The following MACROD2 variants were observed in gnomAD, a reference collection of about 807,000 sequenced individuals.
MACROD2 encodes the protein mono-ADP ribosylhydrolase 2, also known as ADP-ribose glycohydrolase MACROD2.
Under a neutral mutation model 70.4 loss-of-function variants are expected in MACROD2, and 36 were observed. The ratio of observed to expected loss-of-function variants is 0.51; its 90% CI spans 0.39 to 0.68. MACROD2 has a LOEUF of 0.68. Ranked by LOEUF, MACROD2 falls within the 30% of genes least tolerant of loss-of-function variation. MACROD2 has a pLI of 0.00. For synonymous variants in MACROD2, 172 were observed against 178.8 expected, an observed-to-expected ratio of 0.96 and a Z score of 0.30; for missense variants, 496 against 538.4, an observed-to-expected ratio of 0.92 and a Z score of 0.78.
chr20:15,491,169 T>C (rs563393704), intron 7 of MACROD2, among the ~76,000 whole-genome samples: 1 of 152,164 alleles, frequency 6.6e-6, no homozygotes, highest in East Asian at 1.9e-4. Flanking sequence ...GTGAGCCAGG[T>C]GTGCATGCCA....
chr20:15,168,646 A>C (rs760448070), intron 5 of MACROD2, among the ~76,000 whole-genome samples: 1 of 152,116 alleles, frequency 6.6e-6, no homozygotes, highest in Non-Finnish European at 1.5e-5. Flanking sequence ...TGAATGGATA[A>C]ACAAAATGTG....
intron 6 of MACROD2, among the ~76,000 whole-genome samples, chr20:15,405,670 A>G (rs144183867): frequency 6.6e-6 from 1 of 152,044 alleles, no homozygotes; most frequent in African/African-American, 2.4e-5. Flanking sequence ...TGTCTCGTTA[A>G]TTCCTCCCAC....
At chr20:14,511,085 G>T (rs1227007206) in intron 4 of MACROD2, among the ~76,000 whole-genome samples, 1 of 152,070 alleles carries the variant, frequency 6.6e-6, no homozygotes, top group Non-Finnish European at 1.5e-5. Flanking sequence ...CAGAATGAAA[G>T]AACTCCAGGT....
chr20:15,306,159 C>T (rs1209537438), intron 6 of MACROD2, among the ~76,000 whole-genome samples: 1 of 152,120 alleles, frequency 6.6e-6, no homozygotes, highest in Non-Finnish European at 1.5e-5. Flanking sequence ...TAGTTATTAC[C>T]TGACAGTGTT....
chr20:14,039,077 A>G (rs976379375), intron 2 of MACROD2, among the ~76,000 whole-genome samples: 5 of 152,200 alleles, frequency 3.3e-5, no homozygotes, highest in Non-Finnish European at 7.4e-5. Context: ...AGCTACACAT[A>G]AAAGTATTAC....
intron 5 of MACROD2, among the ~76,000 whole-genome samples, chr20:14,697,011 G>T (rs1022953219): frequency 1.3e-5 from 2 of 152,126 alleles, no homozygotes; most frequent in Non-Finnish European, 2.9e-5. Flanking sequence ...GTTATAATAT[G>T]TTTTGTGAAT....
chr20:14,481,166 T>C (rs1180572585), intron 3 of MACROD2, among the ~76,000 whole-genome samples: 4 of 152,144 alleles, frequency 2.6e-5, no homozygotes, highest in Non-Finnish European at 5.9e-5. Flanking sequence ...TTTGCATTTA[T>C]TTGATGAAAG....
intron 8 of MACROD2, among the ~76,000 whole-genome samples, chr20:15,820,207 G>A (rs1487260127): frequency 6.6e-6 from 1 of 151,994 alleles, no homozygotes; most frequent in Non-Finnish European, 1.5e-5. Flanking sequence ...AGTAGGGGGT[G>A]GGGGCGAGGA....
chr20:15,432,870 G>A (rs570733878), intron 7 of MACROD2, among the ~76,000 whole-genome samples: 1 of 151,894 alleles, frequency 6.6e-6, no homozygotes, highest in African/African-American at 2.4e-5. Flanking sequence ...TAATATATAT[G>A]GTATACTATA....
chr20:14,556,720 T>C (rs1979057067), intron 4 of MACROD2, among the ~76,000 whole-genome samples: 1 of 152,040 alleles, frequency 6.6e-6, no homozygotes, highest in African/African-American at 2.4e-5. Flanking sequence ...CAAAGCAATA[T>C]ACTTTTGAAA....
rs562494868 is a variant in MACROD2, at chr20:14,035,924, C to T, written c.163+33520C>T. Among the ~76,000 whole-genome samples the T allele has an allele frequency of 3.1e-4, 47 of 152,284 alleles. 1 individual carries two copies. Among genetic ancestry groups the T allele is most frequent in the African/African-American group, 8.4e-4 (35 of 41,556 alleles). On this transcript the variant is annotated intron_variant, in intron 2 of 17. Coordinates refer to ENST00000684519, the MANE Select transcript of MACROD2 (RefSeq NM_001351661.2). ...TTGGGAGGCCAAGGCGGGCGGATCA[C>T]GAGGTCAGGAGATTGAGACCATCCT... is the stretch of plus-strand genomic sequence containing the variant.
intron 3 of MACROD2, among the ~76,000 whole-genome samples, chr20:14,340,424 C>T (rs1418391186): frequency 1.1e-4 from 16 of 151,988 alleles, no homozygotes; most frequent in Admixed American, 9.8e-4. Flanking sequence ...CATCCAAGCA[C>T]CTGGAACAAA....
chr20:15,848,795 G>GT (rs893511847), intron 8 of MACROD2, among the ~76,000 whole-genome samples: 1 of 151,864 alleles, frequency 6.6e-6, no homozygotes, highest in African/African-American at 2.4e-5. Flanking sequence ...AAGTCAGTTA[G>GT]TAGTCATAAT....
chr20:13,999,697 C>G (rs1046380540), intron 1 of MACROD2, among the ~76,000 whole-genome samples: 1 of 152,202 alleles, frequency 6.6e-6, no homozygotes, highest in Non-Finnish European at 1.5e-5. Flanking sequence ...CGAAGGGAAA[C>G]TGAAACATAA....
chr20:14,872,405 G>A (rs979318748), intron 5 of MACROD2, among the ~76,000 whole-genome samples: 4 of 151,990 alleles, frequency 2.6e-5, no homozygotes, highest in East Asian at 1.9e-4. Context: ...AATTAGCTAC[G>A]TGCTCAGGAG....
At chr20:14,492,606 G>A (rs951848496) in intron 3 of MACROD2, among the ~76,000 whole-genome samples, 1 of 151,974 alleles carries the variant, frequency 6.6e-6, no homozygotes, top group African/African-American at 2.4e-5. Context: ...TTAGTCTTTT[G>A]GTAACTCAGT....
intron 3 of MACROD2, among the ~76,000 whole-genome samples, chr20:14,310,838 G>C (rs1479414920): frequency 6.6e-6 from 1 of 151,712 alleles, no homozygotes; most frequent in Non-Finnish European, 1.5e-5. Context: ...TAAGAAAAAA[G>C]TTTAAAAAGT....
intron 8 of MACROD2, among the ~76,000 whole-genome samples, chr20:15,715,081 G>T (rs186322504): frequency 6.6e-6 from 1 of 152,138 alleles, no homozygotes; most frequent in East Asian, 1.9e-4. Context: ...CAATACCAAG[G>T]GTTCACAGGT....
At chr20:14,869,356 T>A (rs866049146) in intron 5 of MACROD2, among the ~76,000 whole-genome samples, 1 of 152,130 alleles carries the variant, frequency 6.6e-6, no homozygotes, top group Non-Finnish European at 1.5e-5. Flanking sequence ...GGGTTTTATA[T>A]ATCAATGAAG....
Sources: gnomAD v4.1 joint callset for allele counts (sites outside exome capture counted in the v4.1 genomes callset) on GRCh38, gnomAD v4.1.1 for gene constraint, MANE v1.5 for transcripts, NCBI Gene and HGNC (gene_info 2026-07-23, HGNC 2026-07-21) for gene names.